Variants in ACLY observed in about 807,000 individuals in gnomAD.
ACLY encodes ATP-citrate synthase.
In ACLY, 41 loss-of-function variants were observed where a neutral mutation model predicts 133.0. The observed-to-expected ratio is 0.31, with a 90% CI of 0.24 to 0.40. The LOEUF (loss-of-function observed/expected upper bound fraction) is 0.40, where lower values mean the gene tolerates loss of function less well. Among genes scored for constraint, ACLY ranks in the 10% least tolerant of loss-of-function variants. ACLY has a pLI of 1.00. For synonymous variants in ACLY, 495 were observed against 549.3 expected (o/e 0.90, Z 1.38); for missense variants, 1,046 against 1,453.8 (o/e 0.72, Z 4.56).
intron 16 of ACLY, among the ~76,000 whole-genome samples, chr17:41,889,218 CCTAAA>C (rs1159986375): frequency 6.6e-6 from 1 of 152,076 alleles, no homozygotes; most frequent in Non-Finnish European, 1.5e-5. Flanking sequence ...CAACCTCTGC[CCTAAA>C]CTAAAGAAGC....
chr17:41,921,479 G>GAAAAAAAA (rs782660866), upstream of ACLY, among the ~76,000 whole-genome samples: 2 of 42,388 alleles, frequency 4.7e-5, no homozygotes, highest in Non-Finnish European at 4.8e-5. Flanking sequence ...CCCTGTCTCA[G>GAAAAAAAA]AAAAAAAAAA....
chr17:41,919,558 C>A (rs1669222971), upstream of ACLY, among the ~76,000 whole-genome samples: 1 of 152,236 alleles, frequency 6.6e-6, no homozygotes, highest in South Asian at 2.1e-4. Context: ...AGCATACTTC[C>A]CAGTGTGGGA....
chr17:41,873,791 C>G lies in ACLY; in HGVS notation c.2642+20G>C. 1.3e-6 allele frequency: 2 copies of G among 1,541,068 alleles called. No individual in the cohort carries two copies. On this transcript the variant is annotated intron_variant, in intron 23 of 28. Transcript: ENST00000352035. Reference sequence around the variant, plus strand: ...ACTCTGAGCTGCAGGGCCCTGTAATCTTCTGCCCTCCATGCTCACCTTTTC... The same window carrying G: ...ACTCTGAGCTGCAGGGCCCTGTAATGTTCTGCCCTCCATGCTCACCTTTTC...
Position 41,868,612 on chromosome 17 carries a change from AAAAG to A in ACLY, c.3211+93_3211+96del, listed in dbSNP as rs1450226875. On this transcript the variant is annotated intron_variant, in intron 28 of 28. Transcript: ENST00000352035. ...ACAAAAAGAAAATTAAAAAAAAAAA[AAAAG>A]AAAGAAAAAGAAACTCAACCCCATG... 6.5e-4 allele frequency: 478 copies of A among 734,036 alleles called. 28 individuals carry two copies. The highest frequency in any genetic ancestry group is 2.4e-3 in the South Asian group (93 of 39,098). 45.5% of individuals were successfully genotyped at this position (734,036 alleles called of 1,614,324 possible).
In ACLY at chr17:41,869,604, C is replaced by A. The variant is rs141387065; in HGVS notation, c.2938-17G>T. 1 of 1,593,558 alleles carries A rather than the reference C, an allele frequency of 6.3e-7. No individual in the cohort carries two copies. Among genetic ancestry groups the A allele is most frequent in the African/African-American group, 1.3e-5 (1 of 74,548 alleles). ...GTTGTTTATCTAGAAATGAACCCAACGGTACAGAGGAACACTCACACACTG... is the reference window on the plus strand; with the variant it reads ...GTTGTTTATCTAGAAATGAACCCAAAGGTACAGAGGAACACTCACACACTG... On this transcript the variant is annotated splice_polypyrimidine_tract_variant and intron_variant, in intron 25 of 28. Transcript: ENST00000352035.
In ACLY at chr17:41,918,887, G is replaced by C. The variant is rs782117142; in HGVS notation, c.-31C>G. On this transcript the variant is annotated 5_prime_UTR_variant, in exon 1 of 29. Coordinates refer to ENST00000352035, the MANE Select transcript of ACLY (RefSeq NM_001096.3). ...ACAGCCTCCCGTGCTCACCTCTGCC[G>C]AAGTCCGTGCGCGGCGCTTCTTCCA... The C allele has an allele frequency of 8.5e-6, 11 of 1,288,384 alleles. No individual in the cohort carries two copies. The highest frequency in any genetic ancestry group is 3.7e-5 in the South Asian group (3 of 80,702). 79.8% of individuals were successfully genotyped at this position (1,288,384 alleles called of 1,614,324 possible).
chr17:41,877,425 G>A (rs950101640), intron 22 of ACLY, among the ~76,000 whole-genome samples: 2 of 149,674 alleles, frequency 1.3e-5, no homozygotes, highest in African/African-American at 4.9e-5. Context: ...TTACAGGCAT[G>A]AGCCACCAGG....
intron 14 of ACLY, among the ~76,000 whole-genome samples, chr17:41,894,039 C>T (rs1339758066): frequency 6.6e-6 from 1 of 151,940 alleles, no homozygotes; most frequent in African/African-American, 2.4e-5. Context: ...CGCGGTGAAA[C>T]GCTGTCTCTA....
chr17:41,909,635 C>T lies in ACLY; in HGVS notation c.411G>A (p.Glu137=), dbSNP rs782151031. Residue 137 remains glutamate (E), a synonymous_variant, in exon 5 of 29, where the codon GAG becomes GAA. Transcript: ENST00000352035. Reference sequence around the variant, plus strand: ...CCACATCACCCACGTCCACACCCCCCTCGTGGTGGAACAGGACGTAGTCCC... The same window carrying T: ...CCACATCACCCACGTCCACACCCCCTTCGTGGTGGAACAGGACGTAGTCCC... ...REGDYVLFHH[E]GGVDVGDVDA... is the part of the protein sequence containing the mutation. The T allele has an allele frequency of 3.1e-6, 5 of 1,614,198 alleles. No individual in the cohort carries two copies. Among genetic ancestry groups the T allele is most frequent in the East Asian group, 2.2e-5 (1 of 44,888 alleles).
intron 10 of ACLY, 48 bp downstream of exon 10, chr17:41,904,681 T>C (rs1555632244): frequency 1.3e-6 from 2 of 1,581,356 alleles, no homozygotes; most frequent in African/African-American, 1.3e-5. Flanking sequence ...TTCCCTGCTT[T>C]CCCCAAACCA....
At chr17:41,876,563 T>C (rs1406167562) in intron 22 of ACLY, among the ~76,000 whole-genome samples, 5 of 152,260 alleles carry the variant, frequency 3.3e-5, no homozygotes, top group Admixed American at 1.3e-4. Flanking sequence ...TTTTGTTCTG[T>C]ACTAAGAAAA....
In ACLY at chr17:41,868,747, T is replaced by C. The variant is rs1597960375; in HGVS notation, c.3173A>G (p.Asn1058Ser). ...ACTCCTTCCCAGCACAAAGATGCCA[T>C]TGAGGGCTCCAATGTCAATATATTC... ...ADEYIDIGAL[N>S]GIFVLGRSMG... is the part of the protein sequence containing the mutation. The change falls in exon 28 of 29, where the codon AAT becomes AGT. Residue 1058 changes from asparagine (N) to serine (S), a missense_variant. Asn to Ser is a conservative substitution (Grantham distance 46). Coordinates refer to ENST00000352035, the MANE Select transcript of ACLY (RefSeq NM_001096.3). 6.2e-7 allele frequency: 1 copy of C among 1,613,928 alleles called. No homozygotes were observed. The highest frequency in any genetic ancestry group is 8.5e-7 in the Non-Finnish European group (1 of 1,179,996).
intron 10 of ACLY, 40 bp downstream of exon 10, chr17:41,904,689 C>G (rs370332214): frequency 4.4e-6 from 7 of 1,601,774 alleles, no homozygotes; most frequent in Non-Finnish European, 6.0e-6. Flanking sequence ...TTTCCCCAAA[C>G]CACTTTCCCC....
In ACLY at chr17:41,912,529, T is replaced by C. The variant is rs1214689702; in HGVS notation, c.173A>G (p.Lys58Arg). ...PWLLSQNLVV[K>R]PDQLIKRRGK... Reference sequence around the variant, plus strand: ...ACGACGTTTGATCAGCTGGTCTGGCTTGACTACCAAGTTCTGGAACAAAAG... The same window carrying C: ...ACGACGTTTGATCAGCTGGTCTGGCCTGACTACCAAGTTCTGGAACAAAAG... Residue 58 changes from lysine to arginine, a missense_variant, in exon 3 of 29, where the codon AAG (lysine) becomes AGG (arginine). Around this residue, in one of 4 missense-constraint regions of ACLY, gnomAD observed 227 missense variants for 245.6 expected, o/e 0.92. Transcript: ENST00000352035. The C allele has an allele frequency of 1.9e-6, 3 of 1,614,092 alleles. No individual in the cohort carries two copies. The highest frequency in any genetic ancestry group is 2.5e-6 in the Non-Finnish European group (3 of 1,180,016).
chr17:41,898,505 AC>A (rs1567903057), intron 12 of ACLY, 125 bp downstream of exon 12: 1 of 1,302,586 alleles, frequency 7.7e-7, no homozygotes, highest in East Asian at 2.5e-5. Context: ...AGATCCACAA[AC>A]CAACCATGCA....
At chr17:41,868,394 C>G (rs373026275) in intron 28 of ACLY, among the ~76,000 whole-genome samples, 36 of 143,506 alleles carry the variant, frequency 2.5e-4, no homozygotes, top group East Asian at 1.6e-3. Context: ...GCTGAGACCG[C>G]GCCACTGCAC....
chr17:41,907,272 C>T (rs74553250), intron 7 of ACLY, among the ~76,000 whole-genome samples, 170 bp downstream of exon 7: 2,868 of 151,998 alleles, frequency 0.019, 42 homozygotes, highest in Middle Eastern at 0.071. Context: ...AGAGGCTTGG[C>T]TCACTCCCAC....
rs183698275 is a variant in ACLY at position 41,910,693 on chromosome 17, G to A, written c.283-409C>T. 3.2e-4 allele frequency among the ~76,000 whole-genome samples: 48 copies of A among 152,312 alleles called. 1 individual carries two copies. The highest frequency in any genetic ancestry group is 2.7e-3 in the Admixed American group (42 of 15,306). On this transcript the variant is annotated intron_variant, in intron 3 of 28. Transcript: ENST00000352035. The stretch of plus-strand genomic sequence containing the variant: ...TGACTCAGCCTCAGGACATGGGTCC[G>A]GGCGCAGGGAATGGGTGGAGAAGTG...
At chr17:41,907,404 T>G in intron 7 of ACLY, 38 bp downstream of exon 7, 5 of 1,068,806 alleles carry the variant, frequency 4.7e-6, no homozygotes, top group African/African-American at 1.6e-5. Context: ...CCCACCGCCC[T>G]CCCCCCAGTC....
Sources: gnomAD v4.1 joint callset for allele counts (sites outside exome capture counted in the v4.1 genomes callset) on GRCh38, gnomAD v4.1.1 for gene constraint, gnomAD v4.1.1 regional missense constraint, MANE v1.5 for transcripts, NCBI Gene and HGNC (gene_info 2026-07-23, HGNC 2026-07-21) for gene names.